The following TLE3 variants were observed in gnomAD, a reference collection of about 807,000 sequenced individuals.
TLE3 encodes transducin-like enhancer protein 3.
In TLE3, 14 loss-of-function variants were observed where a neutral mutation model predicts 93.0. The observed-to-expected ratio is 0.15, with a 90% confidence interval of 0.10 to 0.24. TLE3 has a LOEUF of 0.24. TLE3 is among the 10% of genes least tolerant of loss of function. The pLI is 1.00. For synonymous variants in TLE3, 451 were observed against 425.0 expected (o/e 1.06, Z -0.75); for missense variants, 693 against 1,046.6 (o/e 0.66, Z 4.66).
chr15:70,076,228 G>A lies in TLE3; in HGVS notation c.235-70C>T, dbSNP rs1042590582. On this transcript the variant is annotated intron_variant, in intron 4 of 19. Coordinates refer to ENST00000451782, the MANE Select transcript of TLE3 (RefSeq NM_001105192.3). ...AGTCACTGAAATGTCATAGGCAAGT[G>A]GAAATGCAAACTCCCCCCAGACCAC... 2.8e-5 allele frequency: 40 copies of A among 1,437,590 alleles called. No homozygotes were observed. In the African/African-American group the frequency reaches 5.2e-4, roughly 19 times the overall value. 89.1% of individuals were successfully genotyped at this position (1,437,590 alleles called of 1,614,324 possible).
At chr15:70,093,444 C>T (rs946630592) in intron 4 of TLE3, among the ~76,000 whole-genome samples, 1 of 152,248 alleles carries the variant, frequency 6.6e-6, no homozygotes, top group African/African-American at 2.4e-5. Flanking sequence ...AAATTGAAAC[C>T]TTGTAAACGA....
In TLE3 at chr15:70,097,444, T is replaced by C; in HGVS notation, c.-646A>G. The C allele has an allele frequency of 2.4e-6, 1 of 417,450 alleles. No homozygotes were observed. Among genetic ancestry groups the C allele is most frequent in the African/African-American group, 2.0e-5 (1 of 48,854 alleles). 25.9% of individuals were successfully genotyped at this position (417,450 alleles called of 1,614,324 possible). A position where few individuals can be genotyped will look rare whatever the true frequency, so the allele number is the denominator to read the frequency against. On this transcript the variant is annotated 5_prime_UTR_variant, in exon 1 of 20. Coordinates refer to ENST00000451782, the MANE Select transcript of TLE3 (RefSeq NM_001105192.3). ...GAGGAGAGCCTGCTGTTCCGTCTGC[T>C]ACTGCCGCTGCCGCCGCCGCCGCCG...
chr15:70,054,414 T>G, intron 16 of TLE3, 24 bp downstream of exon 16: 1 of 1,603,464 alleles, frequency 6.2e-7, no homozygotes, highest in South Asian at 1.1e-5. Context: ...GACGAGGCAC[T>G]AATGCTCCCT....
intron 9 of TLE3, 96 bp from the exon 10 acceptor site, chr15:70,059,556 C>T (rs2056326854): frequency 3.1e-6 from 4 of 1,278,698 alleles, no homozygotes; most frequent in Non-Finnish European, 3.3e-6. Context: ...CTGGCCAGGA[C>T]CTGAAGCCAG....
At chr15:70,096,670 C>CA in intron 1 of TLE3, 105 bp downstream of exon 1, 1 of 1,559,104 alleles carries the variant, frequency 6.4e-7, no homozygotes, top group Non-Finnish European at 8.7e-7. Context: ...CACACAAACA[C>CA]ACACACCATA....
At chr15:70,089,115 A>AGCTGTTGCCACCCTGGAGGGGCCTCG (rs2058180859) in intron 4 of TLE3, among the ~76,000 whole-genome samples, 2 of 152,182 alleles carry the variant, frequency 1.3e-5, no homozygotes, top group Non-Finnish European at 2.9e-5. Flanking sequence ...CCTTGCCGCG[A>AGCTGTTGCCACCCTGGAGGGGCCTCG]GCTGTTGCCA....
intron 8 of TLE3, among the ~76,000 whole-genome samples, chr15:70,060,964 G>A (rs983546477): frequency 6.6e-6 from 1 of 152,228 alleles, no homozygotes; most frequent in Admixed American, 6.5e-5. Context: ...CTGTGAGGGC[G>A]AGGGTCACCT....
rs560454303 is a variant in TLE3 at position 70,058,412 on chromosome 15, G to A, written c.919-121C>T. On this transcript the variant is annotated intron_variant, in intron 11 of 19. Coordinates refer to ENST00000451782, the MANE Select transcript of TLE3 (RefSeq NM_001105192.3). This position sits in a 1 kb window ranked among gnomAD's most constrained non-coding sequence, Gnocchi z 4.1. Reference sequence around the variant, plus strand: ...GCCAGACCCTTATGAAGCTTCTGCCGAACAGCCTCTCAATCCTTGCCCAAC... The same window carrying A: ...GCCAGACCCTTATGAAGCTTCTGCCAAACAGCCTCTCAATCCTTGCCCAAC... 2.9e-5 allele frequency: 42 copies of A among 1,467,022 alleles called. No individual in the cohort carries two copies. Among genetic ancestry groups the A allele is most frequent in the Middle Eastern group, 2.2e-4 (1 of 4,446 alleles). 90.9% of individuals were successfully genotyped at this position (1,467,022 alleles called of 1,614,324 possible). A position where few individuals can be genotyped will look rare whatever the true frequency, so the allele number is the denominator to read the frequency against.
At chr15:70,093,681 G>T (rs184219592) in intron 4 of TLE3, among the ~76,000 whole-genome samples, 1 of 152,334 alleles carries the variant, frequency 6.6e-6, no homozygotes, top group African/African-American at 2.4e-5. Context: ...GCCCAGCCTA[G>T]CACTGGGACT....
chr15:70,096,894 G>T lies in TLE3; in HGVS notation c.-96C>A, dbSNP rs751496289. 3.5e-6 allele frequency: 5 copies of T among 1,417,716 alleles called. No individual in the cohort carries two copies. In the Admixed American group the frequency reaches 8.3e-5, roughly 23 times the overall value. 87.8% of individuals were successfully genotyped at this position (1,417,716 alleles called of 1,614,324 possible). On this transcript the variant is annotated 5_prime_UTR_variant, in exon 1 of 20. Coordinates refer to ENST00000451782, the MANE Select transcript of TLE3 (RefSeq NM_001105192.3). ...GGGGAGCCGAGCCCGAGCGGGGGGC[G>T]GCCGGGAAACCGAGAGCTCGCCCCC... is the stretch of plus-strand genomic sequence containing the variant.
At chr15:70,055,385 C>T in intron 14 of TLE3, 87 bp from the exon 15 acceptor site, 1 of 1,498,022 alleles carries the variant, frequency 6.7e-7, no homozygotes, top group Non-Finnish European at 8.9e-7. Context: ...CTGCACTGCC[C>T]CCGACTGGCT....
intron 17 of TLE3, 50 bp from the exon 18 acceptor site, chr15:70,052,574 C>T (rs1345096001): frequency 1.3e-6 from 2 of 1,579,878 alleles, no homozygotes; most frequent in South Asian, 1.1e-5. Context: ...TCTCTGCCCT[C>T]AAGAGGAGGG....
In TLE3 at chr15:70,058,428, C is replaced by T. The variant is rs2056232808; in HGVS notation, c.919-137G>A. 4 of 1,425,802 alleles carry T rather than the reference C, an allele frequency of 2.8e-6. No homozygotes were observed. Among genetic ancestry groups the T allele is most frequent in the East Asian group, 2.3e-5 (1 of 43,344 alleles). The allele number at this position is 1,425,802 out of a possible 1,614,324, so 88.3% of individuals were successfully genotyped here. ...GCTTCTGCCGAACAGCCTCTCAATCCTTGCCCAACCTTGTTTGGCAGGGAC... is the reference window on the plus strand; with the variant it reads ...GCTTCTGCCGAACAGCCTCTCAATCTTTGCCCAACCTTGTTTGGCAGGGAC... On this transcript the variant is annotated intron_variant, in intron 11 of 19. Coordinates refer to ENST00000451782, the MANE Select transcript of TLE3 (RefSeq NM_001105192.3). This position sits in a 1 kb window ranked among gnomAD's most constrained non-coding sequence, Gnocchi z 4.1.
chr15:70,050,216 A>G lies in TLE3; in HGVS notation c.2203-12T>C. ...GAGGATTCTTTAGACTGGAGGAGGA[A>G]GACGAGGAGAAGCAGCAGGAAGGCG... On this transcript the variant is annotated splice_polypyrimidine_tract_variant and intron_variant, in intron 19 of 19. Coordinates refer to ENST00000451782, the MANE Select transcript of TLE3 (RefSeq NM_001105192.3). The G allele has an allele frequency of 1.2e-6, 2 of 1,607,790 alleles. No homozygotes were observed. Among genetic ancestry groups the G allele is most frequent in the Non-Finnish European group, 1.7e-6 (2 of 1,174,260 alleles).
chr15:70,067,684 G>A (rs1480281794), intron 6 of TLE3, among the ~76,000 whole-genome samples: 2 of 152,186 alleles, frequency 1.3e-5, no homozygotes, highest in Admixed American at 1.3e-4. Flanking sequence ...CTGGCAGGAG[G>A]AGGCAGTAAG....
intron 6 of TLE3, among the ~76,000 whole-genome samples, chr15:70,071,063 A>G (rs1437212733): frequency 1.3e-5 from 2 of 152,204 alleles, no homozygotes; most frequent in African/African-American, 4.8e-5. Flanking sequence ...ATCTTGGGCC[A>G]TGATATAGCA....
At chr15:70,075,989 A>G in intron 5 of TLE3, 107 bp downstream of exon 5, 8 of 1,036,082 alleles carry the variant, frequency 7.7e-6, no homozygotes, top group South Asian at 1.4e-5. Flanking sequence ...ATGAATGGAC[A>G]GGGGCTGAGG....
chr15:70,095,373 C>A, intron 3 of TLE3: 1 of 1,444,706 alleles, frequency 6.9e-7, no homozygotes. Flanking sequence ...TCTCTTTCTG[C>A]CCCTCCCCTC....
chr15:70,089,983 T>G lies in TLE3; in HGVS notation c.234+4549A>C, dbSNP rs114900560. On this transcript the variant is annotated intron_variant, in intron 4 of 19. Coordinates refer to ENST00000451782, the MANE Select transcript of TLE3 (RefSeq NM_001105192.3). The stretch of plus-strand genomic sequence containing the variant: ...GGTTCCCACCCGTTGATCTGTAAAG[T>G]AAGGACAAGGGGCCATTTGCTCATC... 4.7e-3 allele frequency among the ~76,000 whole-genome samples: 712 copies of G among 152,214 alleles called. 8 individuals carry two copies. The highest frequency in any genetic ancestry group is 0.017 in the African/African-American group (687 of 41,532).
Sources: allele counts gnomAD v4.1 joint callset (sites outside exome capture counted in the v4.1 genomes callset), GRCh38; gene constraint gnomAD v4.1.1; non-coding constraint Gnocchi (gnomAD v3.1); transcripts MANE v1.5; gene names NCBI Gene and HGNC (gene_info 2026-07-23, HGNC 2026-07-21).